TMCO1: variants seen among roughly 807,000 people sequenced by gnomAD.
The protein encoded by TMCO1 is calcium load-activated calcium channel.
Under a neutral mutation model 29.3 loss-of-function variants are expected in TMCO1, and 29 were observed. The observed-to-expected ratio is 0.99, with a 90% confidence interval of 0.74 to 1.35. TMCO1 has a LOEUF of 1.35. Ranked by LOEUF, TMCO1 falls within the 40% of genes most tolerant of loss-of-function variation. TMCO1 has a pLI of 0.00. For synonymous variants in TMCO1, 80 were observed against 77.1 expected (o/e 1.04, Z -0.20); for missense variants, 173 against 225.5 (o/e 0.77, Z 1.49).
chr1:165,751,680 G>C (rs1034913015), intron 5 of TMCO1, among the ~76,000 whole-genome samples: 1 of 151,662 alleles, frequency 6.6e-6, no homozygotes, highest in Non-Finnish European at 1.5e-5. Context: ...ACTCCAGCCT[G>C]GGTGACAGAG....
At chr1:165,766,952 A>T (rs1185838974) in intron 2 of TMCO1, among the ~76,000 whole-genome samples, 2 of 152,142 alleles carry the variant, frequency 1.3e-5, no homozygotes, top group Non-Finnish European at 2.9e-5. Context: ...TGTGAAGGTA[A>T]AGATAACGAG....
At chr1:165,748,054 G>A (rs1651863061) in intron 5 of TMCO1, among the ~76,000 whole-genome samples, 1 of 151,908 alleles carries the variant, frequency 6.6e-6, no homozygotes. Context: ...AGCTACTCAG[G>A]AAGCTGAGGC....
intron 5 of TMCO1, among the ~76,000 whole-genome samples, chr1:165,746,435 T>C (rs1018202802): frequency 7.0e-6 from 1 of 143,188 alleles, no homozygotes; most frequent in African/African-American, 2.6e-5. Context: ...TTGACTTCTA[T>C]AGCTTGGAAG....
chr1:165,737,065 T>C (rs1451692977), intron 6 of TMCO1, among the ~76,000 whole-genome samples: 1 of 152,180 alleles, frequency 6.6e-6, no homozygotes, highest in African/African-American at 2.4e-5. Context: ...CTGCCTCAGC[T>C]TCCTAAATGC....
Position 165,727,022 on chromosome 1 carries a change from T to C in TMCO1, c.*1001A>G, listed in dbSNP as rs1022695622. The C allele has an allele frequency of 2.4e-5, 11 of 454,000 alleles. No homozygotes were observed. Among genetic ancestry groups the C allele is most frequent in the African/African-American group, 2.2e-4 (11 of 50,020 alleles). 28.1% of individuals were successfully genotyped at this position (454,000 alleles called of 1,614,324 possible). Reference sequence around the variant, plus strand: ...CATTTAAGTAGACATTTGATGAATGTGCATATTTATTGATAAGACTCCACA... The same window carrying C: ...CATTTAAGTAGACATTTGATGAATGCGCATATTTATTGATAAGACTCCACA... On this transcript the variant is annotated 3_prime_UTR_variant, in exon 7 of 7. Coordinates refer to ENST00000367881, the MANE Select transcript of TMCO1 (RefSeq NM_019026.6).
intron 6 of TMCO1, among the ~76,000 whole-genome samples, chr1:165,739,635 C>T (rs1215522100): frequency 2.0e-5 from 3 of 152,062 alleles, no homozygotes; most frequent in Non-Finnish European, 2.9e-5. Flanking sequence ...GCTACCTGCT[C>T]GCCTTGGCCT....
intron 4 of TMCO1, among the ~76,000 whole-genome samples, 200 bp from the exon 5 acceptor site, chr1:165,752,369 C>G (rs1453421156): frequency 1.3e-5 from 2 of 151,032 alleles, no homozygotes; most frequent in Non-Finnish European, 2.9e-5. Context: ...CATTCCCTTG[C>G]CTCAGCCTCC....
At chr1:165,754,522 C>A (rs559879054) in intron 3 of TMCO1, among the ~76,000 whole-genome samples, 6 of 152,064 alleles carry the variant, frequency 3.9e-5, no homozygotes, top group Non-Finnish European at 8.8e-5. Context: ...TATTAAATGT[C>A]TTAACTCTGT....
At chr1:165,767,661 T>G (rs1332982222) in intron 2 of TMCO1, among the ~76,000 whole-genome samples, 1 of 152,172 alleles carries the variant, frequency 6.6e-6, no homozygotes, top group African/African-American at 2.4e-5. Context: ...CTACCATGGT[T>G]CCTCACAACT....
chr1:165,763,039 C>T (rs1208494185), intron 2 of TMCO1, among the ~76,000 whole-genome samples: 1 of 152,178 alleles, frequency 6.6e-6, no homozygotes, highest in Non-Finnish European at 1.5e-5. Context: ...TTGTTAAAAG[C>T]AGCTCAGTAG....
At position 165,727,586 on chromosome 1, in the gene TMCO1, A is replaced by T. The variant is rs992363781; in HGVS notation, c.*437T>A. 4.9e-5 allele frequency: 22 copies of T among 453,300 alleles called. No homozygotes were observed. The highest frequency in any genetic ancestry group is 9.3e-5 in the Non-Finnish European group (21 of 226,556). The allele number at this position is 453,300 out of a possible 1,614,324, so 28.1% of individuals were successfully genotyped here. On this transcript the variant is annotated 3_prime_UTR_variant, in exon 7 of 7. Transcript: ENST00000367881. ...TTGGCCTCTTTATTGATCTTATGTC[A>T]TGTATTTGGCTTGAAAAAAAAACAA...
intron 2 of TMCO1, among the ~76,000 whole-genome samples, chr1:165,767,974 C>G (rs1652637914): frequency 6.6e-6 from 1 of 152,182 alleles, no homozygotes; most frequent in African/African-American, 2.4e-5. Context: ...GATTGAACCT[C>G]TTCTTTAGAA....
rs1306259006 is a variant in TMCO1 at position 165,727,101 on chromosome 1, T to C, written c.*922A>G. The C allele has an allele frequency of 4.4e-6, 2 of 453,874 alleles. No homozygotes were observed. The highest frequency in any genetic ancestry group is 8.8e-6 in the Non-Finnish European group (2 of 226,786). 28.1% of individuals were successfully genotyped at this position (453,874 alleles called of 1,614,324 possible). The stretch of plus-strand genomic sequence containing the variant: ...GGGAGGATCATGGTACAAACATCCT[T>C]CTCCCTTATGAAGGGGCATGGCAGA... On this transcript the variant is annotated 3_prime_UTR_variant, in exon 7 of 7. Transcript: ENST00000367881.
chr1:165,750,280 C>T (rs543216745), intron 5 of TMCO1, among the ~76,000 whole-genome samples: 1 of 152,152 alleles, frequency 6.6e-6, no homozygotes, highest in East Asian at 1.9e-4. Flanking sequence ...TGGCTCACAC[C>T]TGTAATCCCA....
At chr1:165,730,543 A>G (rs571316848) in intron 6 of TMCO1, among the ~76,000 whole-genome samples, 84 of 152,308 alleles carry the variant, frequency 5.5e-4, no homozygotes, top group Non-Finnish European at 1.1e-3. Context: ...AAAAAAATCA[A>G]TCGTTAGTAC....
intron 5 of TMCO1, among the ~76,000 whole-genome samples, chr1:165,745,300 G>A (rs1034435925): frequency 1.3e-5 from 2 of 148,480 alleles, no homozygotes; most frequent in Non-Finnish European, 3.0e-5. Context: ...TGGGATTATA[G>A]GAATGAGCCA....
At chr1:165,743,404 T>A in intron 5 of TMCO1, 93 bp from the exon 6 acceptor site, 1 of 1,328,846 alleles carries the variant, frequency 7.5e-7, no homozygotes, top group Non-Finnish European at 1.1e-6. Flanking sequence ...AATAGAGCTT[T>A]AAGTCTCTGA....
downstream of TMCO1, chr1:165,724,593 G>A (rs563753417): frequency 8.8e-6 from 4 of 453,924 alleles, no homozygotes; most frequent in African/African-American, 6.0e-5. Context: ...CTGGGGTGGG[G>A]CCCAGCAGTT....
At chr1:165,754,915 G>A (rs1652137878) in intron 3 of TMCO1, 1 of 152,632 alleles carries the variant, frequency 6.6e-6, no homozygotes, top group Admixed American at 6.5e-5. Flanking sequence ...GATTACTTGA[G>A]CCCAGGAGTT....
Sources: gnomAD v4.1 joint callset for allele counts (sites outside exome capture counted in the v4.1 genomes callset) on GRCh38, gnomAD v4.1.1 for gene constraint, MANE v1.5 for transcripts, NCBI Gene and HGNC (gene_info 2026-07-23, HGNC 2026-07-21) for gene names.